Variants in KIAA0825 observed in about 807,000 individuals in gnomAD.
KIAA0825 encodes the protein KIAA0825.
KIAA0825 carries 119 observed loss-of-function variants against 147.6 expected under a neutral mutation model. That is an observed-to-expected ratio of 0.81 (90% confidence interval 0.69 to 0.94). The LOEUF is 0.94. Ranked by LOEUF, KIAA0825 falls within the 40% of genes least tolerant of loss-of-function variation. The pLI, the probability that KIAA0825 is intolerant of heterozygous loss-of-function variation, is 0.00. For synonymous variants in KIAA0825, 470 were observed against 518.1 expected (o/e 0.91, Z 1.26); for missense variants, 1,381 against 1,472.7 (o/e 0.94, Z 1.02).
intron 17 of KIAA0825, among the ~76,000 whole-genome samples, chr5:94,392,657 C>T (rs1750056279): frequency 6.6e-6 from 1 of 152,122 alleles, no homozygotes; most frequent in Non-Finnish European, 1.5e-5. Flanking sequence ...GTGTAATCAG[C>T]TGTATACTGC....
At chr5:94,223,761 G>C (rs1773875048) in intron 20 of KIAA0825, among the ~76,000 whole-genome samples, 1 of 152,110 alleles carries the variant, frequency 6.6e-6, no homozygotes, top group Non-Finnish European at 1.5e-5. Context: ...TTACAATAAA[G>C]ATTCTCTAAC....
At chr5:94,440,212 T>A in intron 13 of KIAA0825, 91 bp from the exon 14 acceptor site, 1 of 1,226,858 alleles carries the variant, frequency 8.2e-7, no homozygotes, top group Non-Finnish European at 1.1e-6. Context: ...CTAACTCCTT[T>A]AAATGTCAAT....
chr5:94,565,430 C>T (rs2152308029), intron 2 of KIAA0825, among the ~76,000 whole-genome samples: 2 of 151,644 alleles, frequency 1.3e-5, no homozygotes, highest in Middle Eastern at 6.8e-3. Flanking sequence ...CAACCTCTGC[C>T]TCCCAGGTTG....
intron 20 of KIAA0825, among the ~76,000 whole-genome samples, chr5:94,185,469 C>T (rs1474707558): frequency 1.3e-5 from 2 of 152,180 alleles, no homozygotes; most frequent in Admixed American, 6.5e-5. Context: ...ATTCATCCCA[C>T]TTGTTTTTAG....
chr5:94,166,380 GT>G (rs1768031372), intron 20 of KIAA0825, among the ~76,000 whole-genome samples: 1 of 151,716 alleles, frequency 6.6e-6, no homozygotes, highest in Admixed American at 6.6e-5. Context: ...CATCAGTGCT[GT>G]TTTCTTAGGC....
chr5:94,458,753 A>T (rs12523428), intron 12 of KIAA0825, among the ~76,000 whole-genome samples: 46,172 of 135,214 alleles, frequency 0.34, 8,247 homozygotes, highest in African/African-American at 0.55. Context: ...CCTTTTTTTT[A>T]AAAAAAAAAA....
intron 13 of KIAA0825, among the ~76,000 whole-genome samples, chr5:94,448,075 A>T (rs981910771): frequency 1.3e-5 from 2 of 151,708 alleles, no homozygotes; most frequent in Non-Finnish European, 2.9e-5. Flanking sequence ...CTAGGACAGC[A>T]TTCTTTCTTG....
In KIAA0825 at chr5:94,152,829, A is replaced by G. The variant is rs1766600729; in HGVS notation, c.*1178T>C. 3.1e-4 allele frequency: 6 copies of G among 19,480 alleles called. No individual in the cohort carries two copies. The highest frequency in any genetic ancestry group is 6.4e-4 in the Non-Finnish European group (6 of 9,312). The allele number at this position is 19,480 out of a possible 1,614,324, so 1.2% of individuals were successfully genotyped here. Reference sequence around the variant, plus strand: ...GACCCTGTTTCTAAAATGAAAAAAAAAAAAAAAAAAAAAAAAAAAAAAAAA... The same window carrying G: ...GACCCTGTTTCTAAAATGAAAAAAAGAAAAAAAAAAAAAAAAAAAAAAAAA... On this transcript the variant is annotated 3_prime_UTR_variant, in exon 21 of 21. Coordinates refer to ENST00000682413, the MANE Select transcript of KIAA0825 (RefSeq NM_001145678.3).
intron 20 of KIAA0825, among the ~76,000 whole-genome samples, chr5:94,157,704 A>G (rs1385758789): frequency 6.6e-6 from 1 of 152,022 alleles, no homozygotes; most frequent in African/African-American, 2.4e-5. Context: ...ACCGACAATG[A>G]GACCTTGAGG....
chr5:94,251,494 T>C (rs1775961217), intron 20 of KIAA0825, among the ~76,000 whole-genome samples: 1 of 152,076 alleles, frequency 6.6e-6, no homozygotes, highest in African/African-American at 2.4e-5. Context: ...TCCTGTCACT[T>C]CAAACCTCTC....
At chr5:94,543,805 A>G (rs1368431185) in intron 2 of KIAA0825, among the ~76,000 whole-genome samples, 1 of 152,210 alleles carries the variant, frequency 6.6e-6, no homozygotes, top group Non-Finnish European at 1.5e-5. Context: ...CAAGATGGCC[A>G]CAAGAGTGAC....
rs145590784 is a variant in KIAA0825, at chr5:94,594,908, ATCT to A, written c.-152-12328_-152-12326del. On this transcript the variant is annotated intron_variant, in intron 1 of 20. Coordinates refer to ENST00000682413, the MANE Select transcript of KIAA0825 (RefSeq NM_001145678.3). The stretch of plus-strand genomic sequence containing the variant: ...AAAAAAAAAAAAAAGCTCCAAAATA[ATCT>A]TCTTTGACTCCATGTCTCACATCCA... 8.8e-3 allele frequency: 2,558 copies of A among 289,586 alleles called. 67 individuals are homozygous for A. The highest frequency in any genetic ancestry group is 0.054 in the African/African-American group (2,327 of 43,300). The allele number at this position is 289,586 out of a possible 1,614,324, so 17.9% of individuals were successfully genotyped here. A position where few individuals can be genotyped will look rare whatever the true frequency, so the allele number is the denominator to read the frequency against.
At chr5:94,456,496 C>A (rs771201260) in intron 12 of KIAA0825, among the ~76,000 whole-genome samples, 7 of 152,144 alleles carry the variant, frequency 4.6e-5, no homozygotes, top group Non-Finnish European at 8.8e-5. Context: ...CTGCTCCATA[C>A]CACAAGGGTA....
intron 20 of KIAA0825, among the ~76,000 whole-genome samples, chr5:94,227,290 C>T (rs963054914): frequency 2.0e-5 from 3 of 151,666 alleles, no homozygotes; most frequent in African/African-American, 7.3e-5. Flanking sequence ...AGTAAACTAT[C>T]GCAAGAACAA....
chr5:94,324,907 C>G (rs1203765568), intron 20 of KIAA0825, among the ~76,000 whole-genome samples: 1 of 151,796 alleles, frequency 6.6e-6, no homozygotes, highest in African/African-American at 2.4e-5. Flanking sequence ...GGCCGATTCT[C>G]CAAATTCATT....
chr5:94,531,453 T>C (rs1022460791), intron 3 of KIAA0825, among the ~76,000 whole-genome samples: 1 of 152,064 alleles, frequency 6.6e-6, no homozygotes, highest in Non-Finnish European at 1.5e-5. Context: ...AGAGCTTCAG[T>C]GGGAGAATTG....
chr5:94,545,472 G>A (rs910809354), intron 2 of KIAA0825, among the ~76,000 whole-genome samples: 6 of 152,156 alleles, frequency 3.9e-5, no homozygotes, highest in African/African-American at 1.4e-4. Flanking sequence ...TTAAGGAGAG[G>A]AGAGTGAAGA....
At chr5:94,287,236 TC>T (rs1411305032) in intron 20 of KIAA0825, among the ~76,000 whole-genome samples, 4 of 152,204 alleles carry the variant, frequency 2.6e-5, no homozygotes, top group African/African-American at 9.6e-5. Context: ...GGATCAGTCT[TC>T]CGACTGATAG....
At position 94,153,921 on chromosome 5, in the gene KIAA0825, T is replaced by C; in HGVS notation, c.*86A>G. The C allele has an allele frequency of 3.5e-6, 3 of 851,356 alleles. No individual in the cohort carries two copies. The highest frequency in any genetic ancestry group is 5.8e-6 in the Non-Finnish European group (3 of 518,634). 52.7% of individuals were successfully genotyped at this position (851,356 alleles called of 1,614,324 possible). On this transcript the variant is annotated 3_prime_UTR_variant, in exon 21 of 21. Transcript: ENST00000682413. ...TTGGTTTCATGCTTCACAGCACATA[T>C]GAGGTTCATTCTGACTATGGTAAAA...
Sources: allele counts gnomAD v4.1 joint callset (sites outside exome capture counted in the v4.1 genomes callset), GRCh38; gene constraint gnomAD v4.1.1; transcripts MANE v1.5; gene names NCBI Gene and HGNC (gene_info 2026-07-23, HGNC 2026-07-21).